CDH9: variants seen among roughly 807,000 people sequenced by gnomAD.
The protein encoded by CDH9 is cadherin-9.
In CDH9, 28 loss-of-function variants were observed where a neutral mutation model predicts 70.9. The ratio of observed to expected loss-of-function variants is 0.40; its 90% CI spans 0.29 to 0.54. CDH9 has a LOEUF of 0.54. CDH9 is among the 20% of genes least tolerant of loss of function. CDH9 has a pLI of 0.59. For missense variants in CDH9, 874 were observed against 984.4 expected, an observed-to-expected ratio of 0.89 and a Z score of 1.50; for synonymous variants, 409 against 343.1, an observed-to-expected ratio of 1.19 and a Z score of -2.12.
intron 1 of CDH9, among the ~76,000 whole-genome samples, chr5:27,007,363 T>A (rs1235322388): frequency 6.6e-6 from 1 of 152,014 alleles, no homozygotes; most frequent in African/African-American, 2.4e-5. Context: ...ATGGGGAGGA[T>A]GTGCATGGCA....
At chr5:26,954,388 C>CTTTTTTTTTTT (rs59882843) in intron 2 of CDH9, among the ~76,000 whole-genome samples, 1,383 of 92,978 alleles carry the variant, frequency 0.015, 137 homozygotes, top group East Asian at 0.043. Flanking sequence ...TACAGCCTTT[C>CTTTTTTTTTTT]TTTTTTTTTT....
intron 7 of CDH9, among the ~76,000 whole-genome samples, chr5:26,893,848 A>G (rs1323069982): frequency 6.6e-6 from 1 of 152,042 alleles, no homozygotes; most frequent in Non-Finnish European, 1.5e-5. Context: ...TTAAACCTCT[A>G]TTTCCAGTTG....
chr5:26,959,173 C>T (rs978680250), intron 2 of CDH9, among the ~76,000 whole-genome samples: 5 of 151,946 alleles, frequency 3.3e-5, no homozygotes, highest in Admixed American at 6.6e-5. Context: ...AAGACAACAC[C>T]ATTTTTATAC....
intron 1 of CDH9, among the ~76,000 whole-genome samples, chr5:27,024,037 G>A (rs1743182600): frequency 6.6e-6 from 1 of 151,740 alleles, no homozygotes; most frequent in South Asian, 2.1e-4. Flanking sequence ...GGGTGACAAA[G>A]CTAGACTCTG....
chr5:26,922,947 G>T (rs905592807), intron 2 of CDH9, among the ~76,000 whole-genome samples: 2 of 150,840 alleles, frequency 1.3e-5, no homozygotes, highest in Non-Finnish European at 3.0e-5. Context: ...AAAAAAGAAA[G>T]GAGTGAAGGA....
intron 2 of CDH9, among the ~76,000 whole-genome samples, chr5:26,944,988 T>C (rs10052443): frequency 0.033 from 4,981 of 152,146 alleles, 270 homozygotes; most frequent in African/African-American, 0.11. Context: ...TCCAGGAGGG[T>C]TGGATGTTGG....
intron 2 of CDH9, among the ~76,000 whole-genome samples, chr5:26,952,983 A>G (rs898302517): frequency 6.6e-6 from 1 of 151,974 alleles, no homozygotes; most frequent in African/African-American, 2.4e-5. Flanking sequence ...TAAGAAAATT[A>G]AAGAATTTCA....
intron 7 of CDH9, among the ~76,000 whole-genome samples, chr5:26,897,686 T>C (rs1157216248): frequency 6.6e-6 from 1 of 152,160 alleles, no homozygotes; most frequent in Non-Finnish European, 1.5e-5. Flanking sequence ...GTAAGAGTTA[T>C]TTATGACAAA....
At chr5:26,983,731 AC>A (rs34269464) in intron 2 of CDH9, among the ~76,000 whole-genome samples, 71,842 of 151,894 alleles carry the variant, frequency 0.47, 17,811 homozygotes, top group African/African-American at 0.52. Context: ...AACATATTTT[AC>A]TTAGATTCTG....
At chr5:26,930,667 C>A (rs1741426941) in intron 2 of CDH9, among the ~76,000 whole-genome samples, 1 of 152,026 alleles carries the variant, frequency 6.6e-6, no homozygotes, top group South Asian at 2.1e-4. Context: ...TCTTTTTTAA[C>A]CTGTTATTAA....
At chr5:26,933,803 A>T (rs990521983) in intron 2 of CDH9, among the ~76,000 whole-genome samples, 3 of 151,842 alleles carry the variant, frequency 2.0e-5, no homozygotes, top group Middle Eastern at 3.2e-3. Context: ...AAATAAAATA[A>T]AATAAAACAA....
intron 2 of CDH9, among the ~76,000 whole-genome samples, chr5:26,963,415 G>T (rs1287576047): frequency 6.6e-6 from 1 of 152,004 alleles, no homozygotes; most frequent in Admixed American, 6.6e-5. Context: ...AATTATAAAG[G>T]TATCAAATGC....
intron 1 of CDH9, among the ~76,000 whole-genome samples, chr5:27,037,438 C>T (rs1024085995): frequency 2.0e-5 from 3 of 151,886 alleles, no homozygotes; most frequent in Non-Finnish European, 1.5e-5. Context: ...TAAATGTAAA[C>T]TTATCTACTA....
intron 7 of CDH9, among the ~76,000 whole-genome samples, chr5:26,896,401 A>T (rs1292306702): frequency 1.3e-5 from 2 of 151,786 alleles, no homozygotes; most frequent in East Asian, 3.9e-4. Flanking sequence ...GTATGTAAAG[A>T]TTGTATATAT....
intron 2 of CDH9, among the ~76,000 whole-genome samples, chr5:26,932,983 T>G (rs1366453982): frequency 0.038 from 1 of 26 alleles, no homozygotes; most frequent in Non-Finnish European, 0.12. Flanking sequence ...TATATAATTA[T>G]ATAGATAAAA....
At chr5:27,001,256 G>T (rs116337757) in intron 1 of CDH9, among the ~76,000 whole-genome samples, 1 of 152,080 alleles carries the variant, frequency 6.6e-6, no homozygotes, top group Non-Finnish European at 1.5e-5. Flanking sequence ...ACATGCTGGC[G>T]TAAGTAATTT....
chr5:27,019,158 A>C (rs1380727163), intron 1 of CDH9, among the ~76,000 whole-genome samples: 1 of 151,918 alleles, frequency 6.6e-6, no homozygotes, highest in African/African-American at 2.4e-5. Flanking sequence ...AATTTCATGG[A>C]AGGTTGAACT....
chr5:26,948,092 C>T (rs192591003), intron 2 of CDH9, among the ~76,000 whole-genome samples: 5 of 152,150 alleles, frequency 3.3e-5, no homozygotes, highest in African/African-American at 1.2e-4. Flanking sequence ...AGGCTATAGC[C>T]TTGCTCTGTG....
intron 3 of CDH9, among the ~76,000 whole-genome samples, chr5:26,908,000 G>C (rs897146726): frequency 2.6e-5 from 4 of 151,996 alleles, no homozygotes; most frequent in African/African-American, 9.7e-5. Flanking sequence ...TTAATATATA[G>C]TAATTAAGAT....
Sources: gnomAD v4.1 joint callset for allele counts (sites outside exome capture counted in the v4.1 genomes callset) on GRCh38, gnomAD v4.1.1 for gene constraint, MANE v1.5 for transcripts, NCBI Gene and HGNC (gene_info 2026-07-23, HGNC 2026-07-21) for gene names.